UNC13B: variants seen among roughly 807,000 people sequenced by gnomAD.
UNC13B encodes the protein protein unc-13 homolog B.
Under a neutral mutation model 211.0 loss-of-function variants are expected in UNC13B, and 144 were observed. The ratio of observed to expected loss-of-function variants is 0.68; its 90% confidence interval spans 0.60 to 0.78. UNC13B has a LOEUF of 0.78. UNC13B is among the 30% of genes least tolerant of loss of function. The pLI, the probability that UNC13B is intolerant of heterozygous loss-of-function variation, is 0.00. For missense variants in UNC13B, 1,777 were observed against 2,002.0 expected, an observed-to-expected ratio of 0.89 and a Z score of 2.14; for synonymous variants, 709 against 725.8, an observed-to-expected ratio of 0.98 and a Z score of 0.37.
chr9:35,335,350 C>G (rs1831594702), intron 11 of UNC13B, among the ~76,000 whole-genome samples: 1 of 152,188 alleles, frequency 6.6e-6, no homozygotes, highest in Admixed American at 6.5e-5. Flanking sequence ...TTGCAAGTGG[C>G]ATGTTGCATT....
At chr9:35,281,673 A>G (rs1412031902) in intron 7 of UNC13B, among the ~76,000 whole-genome samples, 1 of 152,162 alleles carries the variant, frequency 6.6e-6, no homozygotes, top group East Asian at 1.9e-4. Flanking sequence ...GATTTTGACA[A>G]ATGTGTGATG....
chr9:35,275,746 C>A (rs551620119), intron 7 of UNC13B, among the ~76,000 whole-genome samples: 1 of 152,184 alleles, frequency 6.6e-6, no homozygotes, highest in Admixed American at 6.5e-5. Context: ...GCGCCTGCAA[C>A]CACACCTGGC....
chr9:35,357,457 C>A (rs919984365), intron 11 of UNC13B, among the ~76,000 whole-genome samples: 1 of 150,560 alleles, frequency 6.6e-6, no homozygotes, highest in African/African-American at 2.4e-5. Flanking sequence ...TGTAAGAATT[C>A]TTTATATATT....
intron 1 of UNC13B, among the ~76,000 whole-genome samples, chr9:35,187,937 G>A (rs1339897424): frequency 6.6e-6 from 1 of 152,146 alleles, no homozygotes; most frequent in African/African-American, 2.4e-5. Context: ...AAATTCTAGA[G>A]GAACTAGGCA....
intron 37 of UNC13B, 93 bp downstream of exon 37, chr9:35,400,536 C>T (rs1836231417): frequency 1.4e-6 from 2 of 1,420,260 alleles, no homozygotes; most frequent in Non-Finnish European, 1.9e-6. Flanking sequence ...GGGAGCAGAT[C>T]CAGTTACTTC....
chr9:35,366,146 G>C (rs2132154782), intron 11 of UNC13B, among the ~76,000 whole-genome samples: 1 of 152,334 alleles, frequency 6.6e-6, no homozygotes, highest in Middle Eastern at 3.4e-3. Flanking sequence ...CCCCAGACCT[G>C]TTAGCCTGAA....
chr9:35,353,291 C>A, intron 11 of UNC13B: 1 of 1,232,234 alleles, frequency 8.1e-7, no homozygotes, highest in Non-Finnish European at 1.0e-6. Context: ...CCGAGCAATT[C>A]ACCACTTTCG....
chr9:35,327,699 TC>T (rs1240561645), intron 11 of UNC13B, among the ~76,000 whole-genome samples: 1 of 151,982 alleles, frequency 6.6e-6, no homozygotes, highest in Admixed American at 6.6e-5. Context: ...AAACAATACT[TC>T]CCCAGCCATC....
At chr9:35,399,481 T>G in intron 35 of UNC13B, 33 bp downstream of exon 35, 9 of 1,613,874 alleles carry the variant, frequency 5.6e-6, no homozygotes, top group Non-Finnish European at 7.6e-6. Context: ...CTGGCAGGTG[T>G]GGTCCTTCTG....
chr9:35,231,262 C>T (rs1195140083), intron 3 of UNC13B, 43 bp downstream of exon 3: 1 of 1,298,380 alleles, frequency 7.7e-7, no homozygotes, highest in African/African-American at 1.5e-5. Context: ...ATTTTATAAT[C>T]TTTTTAAGGG....
chr9:35,381,256 C>A, intron 19 of UNC13B, 41 bp downstream of exon 19: 1 of 1,550,002 alleles, frequency 6.5e-7, no homozygotes, highest in Non-Finnish European at 8.8e-7. Flanking sequence ...GAAAGCAGTG[C>A]TGGGAGAGGC....
intron 6 of UNC13B, among the ~76,000 whole-genome samples, chr9:35,251,093 G>A (rs914243292): frequency 1.3e-5 from 2 of 150,824 alleles, no homozygotes; most frequent in Non-Finnish European, 2.9e-5. Context: ...CTCCGGAGTA[G>A]CTGGGACTAC....
chr9:35,255,304 C>T (rs931958230), intron 6 of UNC13B, among the ~76,000 whole-genome samples: 3 of 150,530 alleles, frequency 2.0e-5, no homozygotes, highest in African/African-American at 7.3e-5. Context: ...AGATATTTAT[C>T]CCCTCCCCCA....
chr9:35,246,399 G>A (rs1826105223), intron 6 of UNC13B, among the ~76,000 whole-genome samples: 1 of 152,208 alleles, frequency 6.6e-6, no homozygotes, highest in African/African-American at 2.4e-5. Context: ...TATTGCTTTT[G>A]GTGTTTTAGT....
intron 11 of UNC13B, among the ~76,000 whole-genome samples, chr9:35,363,452 G>T (rs1655442898): frequency 6.6e-6 from 1 of 152,210 alleles, no homozygotes; most frequent in African/African-American, 2.4e-5. Flanking sequence ...ATTCCAGGGA[G>T]TGTCTTTCTC....
rs551686899 is a variant in UNC13B at position 35,302,764 on chromosome 9, T to G, written c.3360T>G (p.Thr1120=). 250 of 398,646 alleles carry G rather than the reference T, an allele frequency of 6.3e-4. No homozygotes were observed. The highest frequency in any genetic ancestry group is 1.4e-3 in the South Asian group (11 of 7,856). 24.7% of individuals were successfully genotyped at this position (398,646 alleles called of 1,614,324 possible). ...CTTCATTAGAGTGTATTTCTACCAC[T>G]TCCAAATCCACTTTGGTTAATGAAA... ...SDSSLECIST[T]SKSTLVNEIN... is the part of the protein sequence containing the mutation. Residue 1120 remains threonine, a synonymous_variant, in exon 9 of 40, where the codon ACT becomes ACG. Coordinates refer to ENST00000635942, the MANE Select transcript of UNC13B (RefSeq NM_001371189.2).
intron 7 of UNC13B, 67 bp downstream of exon 7, chr9:35,259,117 T>TTA (rs2131626613): frequency 6.5e-7 from 1 of 1,533,466 alleles, no homozygotes; most frequent in African/African-American, 1.4e-5. Context: ...TGAACATGGG[T>TTA]TATTCTGAGC....
intron 1 of UNC13B, among the ~76,000 whole-genome samples, chr9:35,210,057 A>T (rs1199212520): frequency 6.6e-6 from 1 of 152,156 alleles, no homozygotes; most frequent in Non-Finnish European, 1.5e-5. Context: ...CTGGACAACA[A>T]AATAATACCC....
chr9:35,397,405 C>T, intron 29 of UNC13B, 95 bp downstream of exon 29: 1 of 1,548,632 alleles, frequency 6.5e-7, no homozygotes, highest in Admixed American at 1.8e-5. Flanking sequence ...CTGTGGCCTC[C>T]TGGTAAAGCT....
Sources: gnomAD v4.1 joint callset for allele counts (sites outside exome capture counted in the v4.1 genomes callset) on GRCh38, gnomAD v4.1.1 for gene constraint, MANE v1.5 for transcripts, NCBI Gene and HGNC (gene_info 2026-07-23, HGNC 2026-07-21) for gene names.